PRH1: variants seen among roughly 807,000 people sequenced by gnomAD.
PRH1 encodes the protein proline rich protein HaeIII subfamily 1.
A neutral mutation model predicts 7.9 loss-of-function variants in PRH1; 7 were observed. The observed-to-expected ratio is 0.89, with a 90% CI of 0.50 to 1.67. The LOEUF (loss-of-function observed/expected upper bound fraction) is 1.67, where lower values mean the gene tolerates loss of function less well. Ranked by LOEUF, PRH1 falls within the 40% of genes most tolerant of loss-of-function variation. The probability of loss-of-function intolerance (pLI) is 0.00; values close to 1 mark genes in which losing one functional copy is unlikely to be tolerated. For missense variants in PRH1, 109 were observed against 223.6 expected (o/e 0.49, Z 3.27); for synonymous variants, 45 against 80.8 (o/e 0.56, Z 2.38).
chr12:10,983,719 A>G (rs550031838), intron 1 of PRH1, among the ~76,000 whole-genome samples: 1 of 152,172 alleles, frequency 6.6e-6, no homozygotes, highest in Non-Finnish European at 1.5e-5. Flanking sequence ...CTTCTGGAAA[A>G]GTACTGGGAG....
chr12:10,986,675 T>C, intron 1 of PRH1: 1 of 1,612,214 alleles, frequency 6.2e-7, no homozygotes, highest in Non-Finnish European at 8.5e-7. Flanking sequence ...AATTTAATAA[T>C]AATGCCCAGA....
intron 1 of PRH1, chr12:11,078,239 C>T (rs542161676): frequency 1.6e-4 from 23 of 142,482 alleles, no homozygotes; most frequent in African/African-American, 9.6e-4. Context: ...AGAAAATATA[C>T]CATGTTTGAA....
intron 1 of PRH1, among the ~76,000 whole-genome samples, chr12:10,975,265 T>G (rs1251506657): frequency 1.3e-5 from 2 of 152,236 alleles, no homozygotes; most frequent in Non-Finnish European, 2.9e-5. Context: ...GGGGCTTACA[T>G]TCAGCAGTTT....
intron 2 of PRH1, among the ~76,000 whole-genome samples, chr12:10,946,112 C>T (rs546993028): frequency 7.2e-5 from 11 of 152,222 alleles, no homozygotes; most frequent in South Asian, 6.2e-4. Flanking sequence ...TCCTCCTCAG[C>T]TTATGAAGAT....
chr12:11,167,479 C>G (rs1431286095), intron 1 of PRH1, among the ~76,000 whole-genome samples: 2 of 147,386 alleles, frequency 1.4e-5, no homozygotes. Flanking sequence ...GAGTCTCGCT[C>G]TGTCACCCAG....
At chr12:11,108,247 C>T (rs980977221) in intron 1 of PRH1, among the ~76,000 whole-genome samples, 3 of 152,180 alleles carry the variant, frequency 2.0e-5, no homozygotes, top group South Asian at 2.1e-4. Flanking sequence ...AGCTATAAAA[C>T]GTACGGGTAA....
chr12:11,028,527 G>A (rs1043467777), intron 1 of PRH1, among the ~76,000 whole-genome samples: 2 of 151,360 alleles, frequency 1.3e-5, no homozygotes, highest in Non-Finnish European at 3.0e-5. Context: ...TAAATAAATG[G>A]TAGCACTTCA....
In PRH1 at chr12:11,090,416, CT is replaced by C. The variant is rs1242659324; in HGVS notation, n.124-43229del. Among the ~76,000 whole-genome samples the C allele has an allele frequency of 5.4e-5, 6 of 111,106 alleles. 1 individual carries two copies. The South Asian group carries it at 1.5e-3, about 27-fold the overall frequency. 72.9% of individuals were successfully genotyped at this position (111,106 alleles called of 152,430 possible). ...TTAGCAAATCAGGGGCTTAAAAGTG[CT>C]TTAGAAAGAATACTAAAATAATTTA... On this transcript the variant is annotated intron_variant and non_coding_transcript_variant, in intron 1 of 4. Coordinates refer to the PRH1 transcript ENST00000541977.
chr12:11,165,884 C>A (rs188091084), intron 1 of PRH1, among the ~76,000 whole-genome samples: 2 of 152,236 alleles, frequency 1.3e-5, no homozygotes, highest in African/African-American at 4.8e-5. Flanking sequence ...ATAGAGAAGG[C>A]TCTTTCTACA....
chr12:11,053,250 T>C (rs909259324), intron 1 of PRH1, among the ~76,000 whole-genome samples: 9 of 150,468 alleles, frequency 6.0e-5, no homozygotes, highest in Non-Finnish European at 1.0e-4. Flanking sequence ...CTTATGTTGT[T>C]GAAAAGGTGC....
chr12:11,101,343 A>G (rs984656336), intron 1 of PRH1, among the ~76,000 whole-genome samples: 3 of 152,212 alleles, frequency 2.0e-5, no homozygotes, highest in African/African-American at 7.2e-5. Context: ...AGAAAAAATT[A>G]GCAGGGCGTA....
intron 1 of PRH1, among the ~76,000 whole-genome samples, chr12:11,067,940 T>A (rs998792654): frequency 6.6e-6 from 1 of 152,212 alleles, no homozygotes; most frequent in East Asian, 1.9e-4. Flanking sequence ...ATTCAGCAAA[T>A]ACTCTAATAA....
chr12:10,931,227 A>G (rs1257136209), intron 2 of PRH1: 1 of 1,477,898 alleles, frequency 6.8e-7, no homozygotes, highest in African/African-American at 1.4e-5. Context: ...TTCTGGGATA[A>G]GGTAGCAAGA....
chr12:11,152,915 G>T (rs34769150), intron 1 of PRH1, among the ~76,000 whole-genome samples: 69,172 of 151,988 alleles, frequency 0.46, 16,544 homozygotes, highest in Non-Finnish European at 0.53. Flanking sequence ...ATGAGACTGT[G>T]GATCATGACA....
At chr12:11,009,541 G>A (rs11054157) in intron 1 of PRH1, among the ~76,000 whole-genome samples, 45,977 of 151,456 alleles carry the variant, frequency 0.3, 8,789 homozygotes, top group East Asian at 0.73. Flanking sequence ...CATAGCGTCA[G>A]TGTCTCTTAC....
intron 1 of PRH1, chr12:11,022,656 A>G (rs1382222851): frequency 2.0e-6 from 2 of 1,002,376 alleles, no homozygotes; most frequent in Non-Finnish European, 2.9e-6. Flanking sequence ...TGAACACTTG[A>G]TTACTAAATG....
chr12:11,001,714 C>T (rs1223860269), intron 1 of PRH1, among the ~76,000 whole-genome samples: 1 of 152,080 alleles, frequency 6.6e-6, no homozygotes, highest in Non-Finnish European at 1.5e-5. Context: ...AGTTTCTGAA[C>T]TGCGATTAGG....
chr12:10,996,060 T>C (rs1017933536), intron 1 of PRH1, among the ~76,000 whole-genome samples: 1 of 151,980 alleles, frequency 6.6e-6, no homozygotes, highest in African/African-American at 2.4e-5. Flanking sequence ...TGAATGTCTA[T>C]AATCCCAGCA....
rs763670612 is a variant in PRH1, at chr12:11,092,223, T to C, written n.124-45035A>G. 41 of 1,284,996 alleles carry C rather than the reference T, an allele frequency of 3.2e-5. 4 individuals are homozygous for C. The highest frequency in any genetic ancestry group is 4.5e-5 in the Non-Finnish European group (41 of 904,862). The allele number at this position is 1,284,996 out of a possible 1,614,324, so 79.6% of individuals were successfully genotyped here. Reference sequence around the variant, plus strand: ...CTGGAAAAAATGATGGGTAGAAAAGTTATCATGTCTGAACAGACAAAAAAA... The same window carrying C: ...CTGGAAAAAATGATGGGTAGAAAAGCTATCATGTCTGAACAGACAAAAAAA... On this transcript the variant is annotated intron_variant and non_coding_transcript_variant, in intron 1 of 4. Coordinates refer to the PRH1 transcript ENST00000541977.
Sources: gnomAD v4.1 joint callset for allele counts (sites outside exome capture counted in the v4.1 genomes callset) on GRCh38, gnomAD v4.1.1 for gene constraint, MANE v1.5 for transcripts, NCBI Gene and HGNC (gene_info 2026-07-23, HGNC 2026-07-21) for gene names.